DNAH11: variants seen among roughly 807,000 people sequenced by gnomAD.
DNAH11 encodes the protein dynein axonemal heavy chain 11.
Under a neutral mutation model 526.0 loss-of-function variants are expected in DNAH11, and 442 were observed. That is an observed-to-expected ratio of 0.84 (90% CI 0.78 to 0.91). The LOEUF (loss-of-function observed/expected upper bound fraction) is 0.91. DNAH11 is among the 40% of genes least tolerant of loss of function. The pLI, the probability that DNAH11 is intolerant of heterozygous loss-of-function variation, is 0.00. For synonymous variants in DNAH11, 2,461 were observed against 1,935.9 expected (o/e 1.27, Z -7.12); for missense variants, 6,989 against 5,448.7 (o/e 1.28, Z -8.90).
Position 21,558,964 on chromosome 7 carries a change from A to G in DNAH11, c.658A>G (p.Lys220Glu). The change falls in exon 3 of 82, where the codon AAG (lysine) becomes GAG (glutamate). Residue 220 changes from lysine (K) to glutamate (E), a missense_variant. By Grantham distance (56) the Lys-to-Glu change is moderately conservative. Coordinates refer to ENST00000409508, the MANE Select transcript of DNAH11 (RefSeq NM_001277115.2). ...TCTACCAATTCCCACTGTTGCAGGAAAGATGGATCTGGATCAGAATTGTTC... is the reference window on the plus strand; with the variant it reads ...TCTACCAATTCCCACTGTTGCAGGAGAGATGGATCTGGATCAGAATTGTTC... ...TLLPIPTVAG[K>E]MDLDQNCSEN... 2 of 1,590,428 alleles carry G rather than the reference A, an allele frequency of 1.3e-6. No individual in the cohort carries two copies. The highest frequency in any genetic ancestry group is 1.7e-6 in the Non-Finnish European group (2 of 1,167,148).
chr7:21,545,239 G>C (rs2128425558), intron 2 of DNAH11, 90 bp downstream of exon 2: 2 of 777,588 alleles, frequency 2.6e-6, no homozygotes, highest in Non-Finnish European at 3.5e-6. Flanking sequence ...AAAAAAAGAA[G>C]AGCTAGGAGG....
chr7:21,590,471 A>G (rs1583507750), intron 12 of DNAH11, among the ~76,000 whole-genome samples: 2 of 152,312 alleles, frequency 1.3e-5, no homozygotes, highest in Middle Eastern at 6.8e-3. Context: ...GATTACCTGG[A>G]GTCTCTCATG....
At chr7:21,615,400 C>G (rs1352871074) in intron 21 of DNAH11, 128 bp downstream of exon 21, 2 of 996,142 alleles carry the variant, frequency 2.0e-6, no homozygotes, top group East Asian at 2.9e-5. Context: ...GATCCTCACC[C>G]CAGCCCCAAA....
At chr7:21,790,642 G>T (rs28376389) in intron 61 of DNAH11, among the ~76,000 whole-genome samples, 19,955 of 152,004 alleles carry the variant, frequency 0.13, 1,987 homozygotes, top group East Asian at 0.28. Context: ...AAGGTGGATC[G>T]ACATGGGCTT....
chr7:21,798,152 A>G (rs189672620), intron 61 of DNAH11, among the ~76,000 whole-genome samples: 212 of 152,346 alleles, frequency 1.4e-3, no homozygotes, highest in African/African-American at 5.0e-3. Context: ...GTTGGAGTGC[A>G]GTGGCACGAT....
rs554657293 is a variant in DNAH11, at chr7:21,861,917, G to A, written c.11267G>A (p.Arg3756His). 8.8e-5 allele frequency: 142 copies of A among 1,613,146 alleles called. No individual in the cohort carries two copies. The Middle Eastern group carries it at 9.9e-4, about 11-fold the overall frequency. ...QADKVEDMQG[R>H]ISILMESITH... Reference sequence around the variant, plus strand: ...GACAAGGTGGAAGACATGCAGGGACGCATCTCTATCCTGATGGAGAGCATC... The same window carrying A: ...GACAAGGTGGAAGACATGCAGGGACACATCTCTATCCTGATGGAGAGCATC... The change falls in exon 69 of 82, where the codon CGC becomes CAC. Residue 3756 changes from arginine (R) to histidine (H), a missense_variant. By Grantham distance (29) the Arg-to-His change is conservative. Coordinates refer to ENST00000409508, the MANE Select transcript of DNAH11 (RefSeq NM_001277115.2).
intron 51 of DNAH11, among the ~76,000 whole-genome samples, chr7:21,747,260 A>T (rs1029939867): frequency 6.6e-6 from 1 of 152,180 alleles, no homozygotes; most frequent in African/African-American, 2.4e-5. Flanking sequence ...TAATGTGATG[A>T]CTGAGCTTGT....
intron 74 of DNAH11, among the ~76,000 whole-genome samples, chr7:21,877,805 G>C (rs1783774919): frequency 6.8e-6 from 1 of 147,086 alleles, no homozygotes; most frequent in African/African-American, 2.5e-5. Context: ...AACCCGGGAG[G>C]CAGAGGTTGC....
chr7:21,738,629 A>G, intron 46 of DNAH11, 72 bp from the exon 47 acceptor site: 1 of 1,442,664 alleles, frequency 6.9e-7, no homozygotes, highest in Non-Finnish European at 9.3e-7. Flanking sequence ...AGAAGTTAAG[A>G]ACAAGAGAAA....
intron 35 of DNAH11, among the ~76,000 whole-genome samples, chr7:21,695,861 C>A (rs1783826857): frequency 6.6e-6 from 1 of 152,094 alleles, no homozygotes; most frequent in African/African-American, 2.4e-5. Flanking sequence ...GGTCTAATAT[C>A]CAGAATCTAC....
intron 28 of DNAH11, among the ~76,000 whole-genome samples, chr7:21,650,462 C>T (rs1280250936): frequency 1.3e-5 from 2 of 150,664 alleles, no homozygotes; most frequent in African/African-American, 4.9e-5. Context: ...TGTAATATTC[C>T]TCTACAATTT....
At chr7:21,777,744 C>G (rs1242383054) in intron 56 of DNAH11, among the ~76,000 whole-genome samples, 1 of 152,114 alleles carries the variant, frequency 6.6e-6, no homozygotes, top group Non-Finnish European at 1.5e-5. Context: ...CAAAGTTACC[C>G]TGAATTTATA....
At chr7:21,887,230 C>T (rs1214334703) in intron 76 of DNAH11, among the ~76,000 whole-genome samples, 2 of 152,154 alleles carry the variant, frequency 1.3e-5, no homozygotes, top group Non-Finnish European at 2.9e-5. Context: ...TTAGGAGGAT[C>T]AGTGAGTTTC....
chr7:21,772,162 TA>T (rs1427549035), intron 55 of DNAH11, among the ~76,000 whole-genome samples: 1 of 152,180 alleles, frequency 6.6e-6, no homozygotes, highest in African/African-American at 2.4e-5. Context: ...TTAAGCCTGA[TA>T]ACAATAGTTA....
At chr7:21,897,225 A>C (rs1251548523) in intron 79 of DNAH11, among the ~76,000 whole-genome samples, 1 of 150,754 alleles carries the variant, frequency 6.6e-6, no homozygotes, top group African/African-American at 2.4e-5. Flanking sequence ...ACTTACAAGT[A>C]AGTATTTTCT....
chr7:21,649,679 A>G (rs1230545654), intron 28 of DNAH11, among the ~76,000 whole-genome samples: 3 of 142,022 alleles, frequency 2.1e-5, no homozygotes, highest in Non-Finnish European at 3.0e-5. Context: ...TTTTCTGTAG[A>G]TGGAGTCTCA....
chr7:21,757,402 G>A (rs1011554653), intron 54 of DNAH11, among the ~76,000 whole-genome samples: 6 of 151,982 alleles, frequency 3.9e-5, no homozygotes, highest in Admixed American at 1.3e-4. Context: ...TATCCTATCC[G>A]TTTTTATTTA....
chr7:21,686,915 A>G (rs1365787624), intron 32 of DNAH11, among the ~76,000 whole-genome samples, 184 bp from the exon 33 acceptor site: 1 of 152,244 alleles, frequency 6.6e-6, no homozygotes, highest in Non-Finnish European at 1.5e-5. Context: ...CAGCTAGCCT[A>G]AAAATAAATG....
At chr7:21,753,839 C>T (rs1435067781) in intron 54 of DNAH11, among the ~76,000 whole-genome samples, 1 of 152,300 alleles carries the variant, frequency 6.6e-6, no homozygotes, top group South Asian at 2.1e-4. Context: ...AAATTCTAAA[C>T]ACACTCCATG....
Sources: gnomAD v4.1 joint callset for allele counts (sites outside exome capture counted in the v4.1 genomes callset) on GRCh38, gnomAD v4.1.1 for gene constraint, MANE v1.5 for transcripts, NCBI Gene and HGNC (gene_info 2026-07-23, HGNC 2026-07-21) for gene names.